The following LRP1B variants were observed in gnomAD, a reference collection of about 807,000 sequenced individuals.
LRP1B encodes the protein low-density lipoprotein receptor-related protein 1B.
LRP1B carries 217 observed loss-of-function variants against 556.6 expected under a neutral mutation model. The ratio of observed to expected loss-of-function variants is 0.39; its 90% CI spans 0.35 to 0.44. The LOEUF is 0.44. LRP1B is among the 20% of genes least tolerant of loss of function. The pLI is 1.00. For synonymous variants in LRP1B, 2,047 were observed against 1,865.8 expected, an observed-to-expected ratio of 1.10 and a Z score of -2.50; for missense variants, 5,053 against 5,620.8, an observed-to-expected ratio of 0.90 and a Z score of 3.23.
At chr2:141,385,558 C>G (rs1689801184) in intron 3 of LRP1B, among the ~76,000 whole-genome samples, 1 of 151,546 alleles carries the variant, frequency 6.6e-6, no homozygotes, top group African/African-American at 2.4e-5. Context: ...GCATTCATGA[C>G]AGAACAAAAA....
chr2:141,044,061 C>T lies in LRP1B; in HGVS notation c.1789+4925G>A, dbSNP rs926499285. ...TAACCAAAACAGCATGGTACTGGTA[C>T]CAAAACAGAGATATAGATCAATGGA... On this transcript the variant is annotated intron_variant, in intron 11 of 90. Coordinates refer to ENST00000389484, the MANE Select transcript of LRP1B (RefSeq NM_018557.3). Among the ~76,000 whole-genome samples the T allele has an allele frequency of 8.6e-5, 13 of 151,708 alleles. 2 individuals are homozygous for T. The highest frequency in any genetic ancestry group is 1.0e-4 in the Non-Finnish European group (7 of 67,864).
chr2:140,502,495 A>G (rs1465294750), intron 54 of LRP1B, among the ~76,000 whole-genome samples: 1 of 152,030 alleles, frequency 6.6e-6, no homozygotes, highest in Non-Finnish European at 1.5e-5. Flanking sequence ...ATATGTGATT[A>G]TATATTTAGC....
chr2:141,736,773 T>C (rs1009683822), intron 2 of LRP1B, among the ~76,000 whole-genome samples: 12 of 152,152 alleles, frequency 7.9e-5, no homozygotes, highest in African/African-American at 2.9e-4. Flanking sequence ...CTCAGGTTGG[T>C]AGCAGTTAAG....
chr2:141,732,603 G>C (rs959787929), intron 2 of LRP1B, among the ~76,000 whole-genome samples: 1 of 151,950 alleles, frequency 6.6e-6, no homozygotes, highest in African/African-American at 2.4e-5. Context: ...GCTTGCAGTC[G>C]ATCCGCAGAA....
At chr2:140,771,179 T>C (rs554902659) in intron 33 of LRP1B, among the ~76,000 whole-genome samples, 173 bp from the exon 34 acceptor site, 2 of 152,254 alleles carry the variant, frequency 1.3e-5, no homozygotes, top group Admixed American at 6.5e-5. Flanking sequence ...TAGTAAATTA[T>C]TGTTGAATTT....
chr2:141,764,982 G>C (rs1225949144), intron 2 of LRP1B, among the ~76,000 whole-genome samples: 1 of 152,050 alleles, frequency 6.6e-6, no homozygotes, highest in Non-Finnish European at 1.5e-5. Context: ...GAAGCTGGCT[G>C]CAAGCTGTCC....
rs559739644 is a variant in LRP1B, at chr2:141,824,419, G to A, written c.83-14018C>T. Among the ~76,000 whole-genome samples the A allele has an allele frequency of 8.5e-5, 13 of 152,254 alleles. No homozygotes were observed. In the East Asian group the frequency reaches 2.5e-3, roughly 29 times the overall value. ...GTTTTACCCAGGCTGGAATGCAGTG[G>A]CGCGATCTCGGCTCACTGCAAGCTC... is the stretch of plus-strand genomic sequence containing the variant. On this transcript the variant is annotated intron_variant, in intron 1 of 90. Transcript: ENST00000389484.
chr2:140,504,073 A>G (rs1273045643), intron 53 of LRP1B, among the ~76,000 whole-genome samples: 1 of 152,062 alleles, frequency 6.6e-6, no homozygotes, highest in Non-Finnish European at 1.5e-5. Flanking sequence ...AACAATAAAA[A>G]TCTATACACC....
chr2:140,911,232 C>T (rs1041581729), intron 21 of LRP1B, among the ~76,000 whole-genome samples: 3 of 151,652 alleles, frequency 2.0e-5, no homozygotes, highest in Non-Finnish European at 3.0e-5. Context: ...GATTATATTT[C>T]CATACATTTA....
intron 85 of LRP1B, 142 bp downstream of exon 85, chr2:140,274,280 ACT>A (rs757661659): frequency 5.1e-4 from 335 of 662,164 alleles, no homozygotes; most frequent in Non-Finnish European, 6.0e-4. Flanking sequence ...AACTAGACTT[ACT>A]CTCTAATCAT....
At chr2:140,944,573 T>C (rs1270249890) in intron 20 of LRP1B, among the ~76,000 whole-genome samples, 1 of 152,194 alleles carries the variant, frequency 6.6e-6, no homozygotes, top group African/African-American at 2.4e-5. Context: ...TCGTGATCAG[T>C]AGGCTTTATT....
chr2:141,525,572 T>C (rs1314913662), intron 2 of LRP1B, among the ~76,000 whole-genome samples: 2 of 152,074 alleles, frequency 1.3e-5, no homozygotes, highest in African/African-American at 4.8e-5. Context: ...GTTTATTAAA[T>C]AATTATGCTT....
chr2:140,340,859 A>T (rs667446), intron 77 of LRP1B, among the ~76,000 whole-genome samples: 78,839 of 151,136 alleles, frequency 0.52, 20,987 homozygotes, highest in Non-Finnish European at 0.57. Context: ...GTCTATCACC[A>T]GTGTTCCCAA....
At chr2:141,062,348 A>G in intron 7 of LRP1B, 75 bp from the exon 8 acceptor site, 1 of 951,238 alleles carries the variant, frequency 1.1e-6, no homozygotes, top group South Asian at 1.6e-5. Flanking sequence ...TCTGTAAAAA[A>G]CAGAACTTTT....
chr2:140,674,876 G>GT (rs760688222), intron 41 of LRP1B, among the ~76,000 whole-genome samples: 2 of 152,184 alleles, frequency 1.3e-5, no homozygotes, highest in African/African-American at 2.4e-5. Context: ...TGATGCTGTT[G>GT]TAACAAATTA....
chr2:140,427,798 C>G lies in LRP1B; in HGVS notation c.10414+14706G>C, dbSNP rs188373385. Among the ~76,000 whole-genome samples the G allele has an allele frequency of 1.8e-4, 27 of 152,010 alleles. No individual in the cohort carries two copies. In the East Asian group the frequency reaches 5.1e-3, roughly 29 times the overall value. On this transcript the variant is annotated intron_variant, in intron 66 of 90. Transcript: ENST00000389484. ...TTTCTACAGACCCATCTGTCCTCTCCCCTCCTCGCCAGGCCGAGCTAGGTC... is the reference window on the plus strand; with the variant it reads ...TTTCTACAGACCCATCTGTCCTCTCGCCTCCTCGCCAGGCCGAGCTAGGTC...
chr2:141,136,417 T>G (rs923145822), intron 7 of LRP1B, among the ~76,000 whole-genome samples: 2 of 151,970 alleles, frequency 1.3e-5, no homozygotes, highest in Non-Finnish European at 2.9e-5. Flanking sequence ...GTCAACAAAT[T>G]ATAAATTAAT....
At chr2:141,114,929 T>G (rs549628777) in intron 7 of LRP1B, among the ~76,000 whole-genome samples, 1 of 152,258 alleles carries the variant, frequency 6.6e-6, no homozygotes, top group East Asian at 1.9e-4. Context: ...CTCTCCTTGA[T>G]TCTATTAAAA....
intron 3 of LRP1B, among the ~76,000 whole-genome samples, chr2:141,271,961 G>C (rs1437070146): frequency 2.6e-5 from 4 of 151,948 alleles, no homozygotes; most frequent in Non-Finnish European, 5.9e-5. Context: ...AAAAACAAAA[G>C]CAATGCTCTC....
Sources: gnomAD v4.1 joint callset for allele counts (sites outside exome capture counted in the v4.1 genomes callset) on GRCh38, gnomAD v4.1.1 for gene constraint, MANE v1.5 for transcripts, NCBI Gene and HGNC (gene_info 2026-07-23, HGNC 2026-07-21) for gene names.